THSD4: variants seen among roughly 807,000 people sequenced by gnomAD.
THSD4 encodes thrombospondin type-1 domain-containing protein 4.
A neutral mutation model predicts 119.0 loss-of-function variants in THSD4; 69 were observed. The ratio of observed to expected loss-of-function variants is 0.58; its 90% CI spans 0.48 to 0.71. The LOEUF (loss-of-function observed/expected upper bound fraction) is 0.71, where lower values mean the gene tolerates loss of function less well. Ranked by LOEUF, THSD4 falls within the 30% of genes least tolerant of loss-of-function variation. The probability of loss-of-function intolerance (pLI) is 0.00; values close to 1 mark genes in which losing one functional copy is unlikely to be tolerated. For synonymous variants in THSD4, 524 were observed against 540.4 expected (o/e 0.97, Z 0.42); for missense variants, 1,393 against 1,391.1 (o/e 1.00, Z -0.02).
chr15:71,176,167 T>C (rs1208299313), intron 3 of THSD4, among the ~76,000 whole-genome samples: 4 of 146,282 alleles, frequency 2.7e-5, no homozygotes, highest in African/African-American at 1.0e-4. Flanking sequence ...TGGACTACAT[T>C]CTGCAATTAA....
At chr15:71,401,077 G>T (rs764323141) in intron 6 of THSD4, among the ~76,000 whole-genome samples, 1 of 152,028 alleles carries the variant, frequency 6.6e-6, no homozygotes, top group African/African-American at 2.4e-5. Flanking sequence ...TCCACTTTTT[G>T]TCCCCTCCCA....
intron 3 of THSD4, among the ~76,000 whole-genome samples, chr15:71,209,482 T>G (rs2043871655): frequency 1.3e-5 from 2 of 152,192 alleles, no homozygotes; most frequent in Non-Finnish European, 2.9e-5. Flanking sequence ...CCACTGGGCT[T>G]CTTCTGTCTG....
At chr15:71,184,164 G>T (rs2043571800) in intron 3 of THSD4, 2 of 151,794 alleles carry the variant, frequency 1.3e-5, no homozygotes, top group Non-Finnish European at 2.9e-5. Context: ...TCTGTAGTAG[G>T]AGGGGCTCCT....
At chr15:71,685,788 C>T (rs1224234807) in intron 8 of THSD4, among the ~76,000 whole-genome samples, 1 of 151,766 alleles carries the variant, frequency 6.6e-6, no homozygotes, top group Non-Finnish European at 1.5e-5. Context: ...AATCTGAAAC[C>T]ACATCAATAA....
At chr15:71,406,100 A>G (rs909361075) in intron 6 of THSD4, among the ~76,000 whole-genome samples, 2 of 151,376 alleles carry the variant, frequency 1.3e-5, no homozygotes, top group South Asian at 4.2e-4. Flanking sequence ...AGTATTTTCT[A>G]ATTTTCCTGT....
chr15:71,313,746 G>A (rs1198649843), intron 6 of THSD4, among the ~76,000 whole-genome samples: 2 of 152,148 alleles, frequency 1.3e-5, no homozygotes, highest in African/African-American at 4.8e-5. Context: ...CTCCCCAGAA[G>A]CAGCGGACCT....
At chr15:71,443,392 A>G (rs80222344) in intron 7 of THSD4, among the ~76,000 whole-genome samples, 1,969 of 151,816 alleles carry the variant, frequency 0.013, 16 homozygotes, top group Non-Finnish European at 0.021. Context: ...CTTGGCTTCT[A>G]TCGACTGATG....
intron 5 of THSD4, among the ~76,000 whole-genome samples, chr15:71,250,864 A>G (rs1000912783): frequency 6.6e-6 from 1 of 152,156 alleles, no homozygotes; most frequent in Non-Finnish European, 1.5e-5. Flanking sequence ...TGATGTAGGT[A>G]TTGAATGAGA....
At chr15:71,632,667 C>T (rs1342773817) in intron 7 of THSD4, among the ~76,000 whole-genome samples, 1 of 152,222 alleles carries the variant, frequency 6.6e-6, no homozygotes, top group African/African-American at 2.4e-5. Flanking sequence ...AAGTGTTGCA[C>T]ATTTTTGTGT....
upstream of THSD4, chr15:71,110,922 C>T: frequency 1.8e-6 from 1 of 561,096 alleles, no homozygotes; most frequent in Non-Finnish European, 3.2e-6. Context: ...CCGTAGATCT[C>T]CATTGTCTAG....
chr15:71,711,108 T>TAA (rs1193029642), intron 8 of THSD4, among the ~76,000 whole-genome samples: 2 of 149,316 alleles, frequency 1.3e-5, no homozygotes, highest in African/African-American at 4.9e-5. Context: ...TATATATATA[T>TAA]AACATTGGGA....
intron 6 of THSD4, among the ~76,000 whole-genome samples, chr15:71,283,107 C>G (rs2044675408): frequency 6.6e-6 from 1 of 151,860 alleles, no homozygotes; most frequent in Admixed American, 6.6e-5. Context: ...GTAGCTGGGA[C>G]TACAGGCGCG....
intron 6 of THSD4, among the ~76,000 whole-genome samples, chr15:71,401,894 C>A (rs951273532): frequency 6.6e-6 from 1 of 152,162 alleles, no homozygotes; most frequent in African/African-American, 2.4e-5. Context: ...AAATATGGCA[C>A]ATATACACCA....
intron 8 of THSD4, among the ~76,000 whole-genome samples, chr15:71,687,238 G>A (rs953550875): frequency 6.6e-6 from 1 of 152,080 alleles, no homozygotes; most frequent in Non-Finnish European, 1.5e-5. Context: ...AAGGACTATT[G>A]AGTCCACCTC....
intron 6 of THSD4, among the ~76,000 whole-genome samples, chr15:71,260,922 G>A (rs2044389410): frequency 6.6e-6 from 1 of 152,132 alleles, no homozygotes; most frequent in African/African-American, 2.4e-5. Flanking sequence ...CCAACGTGGT[G>A]AAACCCCATC....
intron 14 of THSD4, among the ~76,000 whole-genome samples, chr15:71,757,268 C>T (rs1202580466): frequency 2.0e-5 from 3 of 151,980 alleles, no homozygotes; most frequent in Non-Finnish European, 4.4e-5. Flanking sequence ...ATAGCTGTGA[C>T]CTTCAGAGAC....
At chr15:71,141,595 A>G (rs1417415695) in intron 2 of THSD4, 39 bp downstream of exon 2, 2 of 1,585,948 alleles carry the variant, frequency 1.3e-6, no homozygotes, top group Non-Finnish European at 1.7e-6. Context: ...CAGGAGAATA[A>G]GAAATTTGAT....
chr15:71,573,421 G>A (rs1324335446), intron 7 of THSD4, among the ~76,000 whole-genome samples: 2 of 152,150 alleles, frequency 1.3e-5, no homozygotes, highest in African/African-American at 2.4e-5. Context: ...TTAGTGAAGC[G>A]CAAAAACTAG....
At chr15:71,632,052 T>A (rs533127026) in intron 7 of THSD4, among the ~76,000 whole-genome samples, 16 of 152,338 alleles carry the variant, frequency 1.1e-4, no homozygotes, top group South Asian at 4.1e-4. Flanking sequence ...ATGGGAAATA[T>A]AATAATCATA....
Sources: gnomAD v4.1 joint callset for allele counts (sites outside exome capture counted in the v4.1 genomes callset) on GRCh38, gnomAD v4.1.1 for gene constraint, MANE v1.5 for transcripts, NCBI Gene and HGNC (gene_info 2026-07-23, HGNC 2026-07-21) for gene names.